The following PARPBP variants were observed in gnomAD, a reference collection of about 807,000 sequenced individuals.
PARPBP encodes the protein PARP1 binding protein.
PARPBP carries 52 observed loss-of-function variants against 50.0 expected under a neutral mutation model. That is an observed-to-expected ratio of 1.04 (90% confidence interval 0.83 to 1.31). PARPBP has a LOEUF of 1.31. PARPBP is among the 50% of genes most tolerant of loss of function. The pLI is 0.00. For missense variants in PARPBP, 697 were observed against 672.0 expected (o/e 1.04, Z -0.41); for synonymous variants, 244 against 232.1 (o/e 1.05, Z -0.47).
chr12:102,184,757 A>G (rs995641529), intron 9 of PARPBP, among the ~76,000 whole-genome samples: 3 of 152,200 alleles, frequency 2.0e-5, no homozygotes, highest in South Asian at 2.1e-4. Context: ...GAAAATGATT[A>G]GTTTAACCAG....
chr12:102,197,163 G>T lies in PARPBP; in HGVS notation c.*872G>T, dbSNP rs199733973. On this transcript the variant is annotated 3_prime_UTR_variant, in exon 11 of 11. Coordinates refer to ENST00000327680, the MANE Select transcript of PARPBP (RefSeq NM_017915.5). ...CATGATTTAAGAAATTATGTTTGGA[G>T]CCTGTGTTCTGTAAAGAGAAGGTTG... The T allele has an allele frequency of 5.0e-6, 8 of 1,610,926 alleles. 1 individual carries two copies. In the South Asian group the frequency reaches 5.5e-5, roughly 11 times the overall value.
intron 9 of PARPBP, among the ~76,000 whole-genome samples, chr12:102,189,805 T>A (rs1232306775): frequency 6.6e-6 from 1 of 152,158 alleles, no homozygotes; most frequent in Non-Finnish European, 1.5e-5. Flanking sequence ...AGTAATTTTT[T>A]AAGGGGTTTA....
In PARPBP at chr12:102,154,057, A is replaced by G. The variant is rs556795342; in HGVS notation, c.495+81A>G. 1.0e-3 allele frequency: 836 copies of G among 810,370 alleles called. 5 individuals carry two copies. Among genetic ancestry groups the G allele is most frequent in the Admixed American group, 5.9e-4 (26 of 43,974 alleles). The allele number at this position is 810,370 out of a possible 1,614,324, so 50.2% of individuals were successfully genotyped here. On this transcript the variant is annotated intron_variant, in intron 4 of 10. Coordinates refer to ENST00000327680, the MANE Select transcript of PARPBP (RefSeq NM_017915.5). ...AATTTGGTGGTACCTTAAAGTTACTAATGCTTTGTAAAAATTTTTTTAACA... is the reference window on the plus strand; with the variant it reads ...AATTTGGTGGTACCTTAAAGTTACTGATGCTTTGTAAAAATTTTTTTAACA...
chr12:102,126,777 AAAAT>A (rs1882066475), intron 2 of PARPBP, among the ~76,000 whole-genome samples: 1 of 152,242 alleles, frequency 6.6e-6, no homozygotes, highest in African/African-American at 2.4e-5. Context: ...CTCTACCTCA[AAAAT>A]AAATAAATAA....
intron 2 of PARPBP, among the ~76,000 whole-genome samples, chr12:102,132,807 ACTTGTGTCTT>A (rs1281929255): frequency 5.3e-5 from 8 of 152,096 alleles, no homozygotes; most frequent in African/African-American, 1.9e-4. Flanking sequence ...CTTTCCGTAT[ACTTGTGTCTT>A]CTTTAATTTC....
At chr12:102,120,953 T>A (rs1294208403) in intron 1 of PARPBP, among the ~76,000 whole-genome samples, 6 of 152,238 alleles carry the variant, frequency 3.9e-5, no homozygotes, top group Non-Finnish European at 5.9e-5. Context: ...TCTCACAGTT[T>A]TTGCTCTAGA....
At chr12:102,141,483 A>G (rs1319007329) in intron 2 of PARPBP, among the ~76,000 whole-genome samples, 1 of 152,184 alleles carries the variant, frequency 6.6e-6, no homozygotes, top group Admixed American at 6.5e-5. Flanking sequence ...TAGCCCATTT[A>G]CATTTGAGTT....
At chr12:102,128,475 C>T (rs1013959658) in intron 2 of PARPBP, among the ~76,000 whole-genome samples, 22 of 152,208 alleles carry the variant, frequency 1.4e-4, no homozygotes, top group African/African-American at 5.3e-4. Context: ...TCGTGATCTG[C>T]CCACCTCGGC....
At chr12:102,186,895 C>T (rs12367012) in intron 9 of PARPBP, among the ~76,000 whole-genome samples, 22,457 of 151,878 alleles carry the variant, frequency 0.15, 1,779 homozygotes, top group Non-Finnish European at 0.18. Context: ...GTATAAAAAA[C>T]TGGACTGGCT....
At chr12:102,190,807 A>G (rs1487757450) in intron 9 of PARPBP, among the ~76,000 whole-genome samples, 2 of 152,114 alleles carry the variant, frequency 1.3e-5, no homozygotes, top group African/African-American at 4.8e-5. Context: ...AAACAAGTGG[A>G]TTATATGGTA....
At chr12:102,145,385 T>A (rs1172197039) in intron 2 of PARPBP, among the ~76,000 whole-genome samples, 1 of 152,176 alleles carries the variant, frequency 6.6e-6, no homozygotes, top group Admixed American at 6.5e-5. Context: ...CATATCTGGA[T>A]ACTTAAAAAT....
At chr12:102,160,450 A>G (rs548261746) in intron 4 of PARPBP, among the ~76,000 whole-genome samples, 1 of 152,350 alleles carries the variant, frequency 6.6e-6, no homozygotes, top group African/African-American at 2.4e-5. Context: ...AAATGTAGGA[A>G]AAGTTTCTGA....
At chr12:102,148,658 T>G (rs1885759241) in intron 3 of PARPBP, 195 bp downstream of exon 3, 3 of 435,034 alleles carry the variant, frequency 6.9e-6, no homozygotes, top group South Asian at 5.3e-5. Flanking sequence ...TTCTTGGACT[T>G]GTGTTATTGT....
At chr12:102,167,774 C>T (rs1185438975) in intron 6 of PARPBP, among the ~76,000 whole-genome samples, 1 of 152,056 alleles carries the variant, frequency 6.6e-6, no homozygotes, top group East Asian at 1.9e-4. Flanking sequence ...GTCCTGCTGC[C>T]CCTGGGTCTG....
intron 4 of PARPBP, among the ~76,000 whole-genome samples, chr12:102,162,763 A>G (rs1887730372): frequency 1.3e-5 from 2 of 152,124 alleles, no homozygotes; most frequent in African/African-American, 2.4e-5. Flanking sequence ...TTGAGGTTAC[A>G]GTGTGCCCTG....
chr12:102,163,189 A>C (rs575609225), intron 4 of PARPBP, among the ~76,000 whole-genome samples: 1 of 152,326 alleles, frequency 6.6e-6, no homozygotes, highest in Admixed American at 6.5e-5. Context: ...TCTGCACGCT[A>C]TTCTGTTCCA....
At chr12:102,136,728 T>G (rs561700215) in intron 2 of PARPBP, among the ~76,000 whole-genome samples, 3 of 152,278 alleles carry the variant, frequency 2.0e-5, no homozygotes, top group East Asian at 3.9e-4. Flanking sequence ...TCAGTTTTAT[T>G]TCAACTTTCC....
chr12:102,128,992 C>T (rs1882443341), intron 2 of PARPBP, among the ~76,000 whole-genome samples: 1 of 152,004 alleles, frequency 6.6e-6, no homozygotes, highest in South Asian at 2.1e-4. Context: ...TCAATAATGG[C>T]CATTCTAACA....
chr12:102,149,685 A>G (rs1284061602), intron 3 of PARPBP, among the ~76,000 whole-genome samples: 1 of 152,224 alleles, frequency 6.6e-6, no homozygotes, highest in East Asian at 1.9e-4. Context: ...CTCTATTACT[A>G]GGGAAGAAAG....
Sources: gnomAD v4.1 joint callset for allele counts (sites outside exome capture counted in the v4.1 genomes callset) on GRCh38, gnomAD v4.1.1 for gene constraint, MANE v1.5 for transcripts, NCBI Gene and HGNC (gene_info 2026-07-23, HGNC 2026-07-21) for gene names.